The following UGT1A6 variants were observed in gnomAD, a reference collection of about 807,000 sequenced individuals.
UGT1A6 encodes UDP-glucuronosyltransferase 1A6.
A neutral mutation model predicts 44.4 loss-of-function variants in UGT1A6; 32 were observed. The ratio of observed to expected loss-of-function variants is 0.72; its 90% confidence interval spans 0.54 to 0.97. UGT1A6 has a LOEUF of 0.97. UGT1A6 is among the 50% of genes least tolerant of loss of function. UGT1A6 has a pLI of 0.00. For synonymous variants in UGT1A6, 238 were observed against 248.5 expected, an observed-to-expected ratio of 0.96 and a Z score of 0.40; for missense variants, 685 against 661.9, an observed-to-expected ratio of 1.03 and a Z score of -0.38.
At chr2:233,739,437 C>G (rs1691099692) in intron 1 of UGT1A6, among the ~76,000 whole-genome samples, 1 of 152,212 alleles carries the variant, frequency 6.6e-6, no homozygotes, top group Non-Finnish European at 1.5e-5. Flanking sequence ...GGGCTTTACC[C>G]TGCAAAGCCA....
At chr2:233,713,636 C>T (rs17868333) in intron 1 of UGT1A6, 157,928 of 1,613,758 alleles carry the variant, frequency 0.098, 8,751 homozygotes, top group South Asian at 0.2. Context: ...AGAACATGCT[C>T]TACCCTCTGG....
At chr2:233,726,988 C>G (rs926323067) in intron 1 of UGT1A6, among the ~76,000 whole-genome samples, 1 of 152,120 alleles carries the variant, frequency 6.6e-6, no homozygotes, top group African/African-American at 2.4e-5. Context: ...TGATGAGGTT[C>G]TTTCTAGCAA....
chr2:233,736,822 C>T (rs1336018032), intron 1 of UGT1A6, among the ~76,000 whole-genome samples: 1 of 152,216 alleles, frequency 6.6e-6, no homozygotes, highest in Non-Finnish European at 1.5e-5. Flanking sequence ...ACTCCAGATG[C>T]TCTTTGCTTT....
At chr2:233,718,727 A>G in intron 1 of UGT1A6, 1 of 1,610,864 alleles carries the variant, frequency 6.2e-7, no homozygotes, top group Non-Finnish European at 8.5e-7. Context: ...CTGATTTGCT[A>G]GGTGGCTCAA....
intron 1 of UGT1A6, chr2:233,718,641 G>A: frequency 6.8e-7 from 1 of 1,475,748 alleles, no homozygotes; most frequent in Non-Finnish European, 9.1e-7. Context: ...CCAGGGTTGG[G>A]CCCATAACGA....
intron 1 of UGT1A6, among the ~76,000 whole-genome samples, chr2:233,703,347 G>A (rs1484527518): frequency 6.6e-6 from 1 of 151,270 alleles, no homozygotes; most frequent in Admixed American, 6.6e-5. Flanking sequence ...TTTTTTCTTT[G>A]TTAATCTAAC....
chr2:233,764,150 T>C (rs770421486), intron 1 of UGT1A6, among the ~76,000 whole-genome samples: 21 of 152,376 alleles, frequency 1.4e-4, no homozygotes, highest in Non-Finnish European at 2.4e-4. Flanking sequence ...TCATTTTGGC[T>C]GGTGAAGTCT....
chr2:233,726,278 A>G (rs548858738), intron 1 of UGT1A6, among the ~76,000 whole-genome samples: 27 of 152,354 alleles, frequency 1.8e-4, no homozygotes, highest in African/African-American at 5.8e-4. Context: ...CTATGGTCCC[A>G]GGTACTTGGG....
At position 233,760,483 on chromosome 2, in the gene UGT1A6, T is replaced by C. The variant is rs750890851; in HGVS notation, c.862-6551T>C. On this transcript the variant is annotated intron_variant, in intron 1 of 4. Transcript: ENST00000305139. ...AGTTGTCCTAGCACCTGACGCCTCG[T>C]TGTACATCAGAGACGGAGCATTTTA... is the stretch of plus-strand genomic sequence containing the variant. The C allele has an allele frequency of 6.2e-6, 10 of 1,614,116 alleles. No individual in the cohort carries two copies. In the South Asian group the frequency reaches 8.8e-5, roughly 14 times the overall value.
chr2:233,712,943 G>A, intron 1 of UGT1A6: 1 of 1,612,442 alleles, frequency 6.2e-7, no homozygotes. Flanking sequence ...AACAATTCTA[G>A]GAGGCACAAC....
At chr2:233,729,023 T>C (rs2125738984) in intron 1 of UGT1A6, 1 of 1,595,674 alleles carries the variant, frequency 6.3e-7, no homozygotes, top group Non-Finnish European at 8.5e-7. Context: ...CAATTACACG[T>C]TGATTTGCTA....
intron 1 of UGT1A6, chr2:233,738,901 C>A (rs1400656739): frequency 1.3e-5 from 2 of 152,162 alleles, no homozygotes; most frequent in Non-Finnish European, 2.9e-5. Context: ...TGCAGCAGAC[C>A]CTCCCATCAC....
intron 1 of UGT1A6, chr2:233,729,155 C>G (rs754518469): frequency 1.9e-6 from 3 of 1,613,596 alleles, no homozygotes; most frequent in South Asian, 1.1e-5. Context: ...GTTCCCCTGC[C>G]GTGGCTGGCC....
intron 1 of UGT1A6, among the ~76,000 whole-genome samples, chr2:233,735,842 C>G (rs2078702180): frequency 6.6e-6 from 1 of 152,078 alleles, no homozygotes; most frequent in Non-Finnish European, 1.5e-5. Flanking sequence ...TTGGCCCCCA[C>G]TCTCTTCTGT....
intron 1 of UGT1A6, among the ~76,000 whole-genome samples, chr2:233,697,134 A>G (rs537171274): frequency 4.9e-4 from 74 of 151,982 alleles, no homozygotes; most frequent in Non-Finnish European, 9.4e-4. Context: ...ATTTTTCTGT[A>G]ATAGTTTGAG....
intron 1 of UGT1A6, among the ~76,000 whole-genome samples, chr2:233,715,442 T>G (rs560027833): frequency 2.6e-5 from 4 of 152,318 alleles, no homozygotes; most frequent in Admixed American, 2.6e-4. Context: ...ATGTGACTCC[T>G]ATGTTATTTT....
chr2:233,736,451 C>T (rs1167369178), intron 1 of UGT1A6, among the ~76,000 whole-genome samples: 3 of 152,120 alleles, frequency 2.0e-5, no homozygotes, highest in Non-Finnish European at 2.9e-5. Context: ...GCAATAGGTT[C>T]GAACATGCAC....
chr2:233,741,653 G>T (rs1248296818), intron 1 of UGT1A6: 1 of 151,908 alleles, frequency 6.6e-6, no homozygotes, highest in African/African-American at 2.4e-5. Flanking sequence ...CCAGCTGACT[G>T]CCATGTTCCT....
intron 1 of UGT1A6, among the ~76,000 whole-genome samples, chr2:233,728,414 C>A (rs186918599): frequency 1.4e-4 from 22 of 152,310 alleles, no homozygotes; most frequent in African/African-American, 4.8e-4. Flanking sequence ...CTTTAGATAG[C>A]AGCACCTCTT....
Sources: allele counts gnomAD v4.1 joint callset (sites outside exome capture counted in the v4.1 genomes callset), GRCh38; gene constraint gnomAD v4.1.1; transcripts MANE v1.5; gene names NCBI Gene and HGNC (gene_info 2026-07-23, HGNC 2026-07-21).